GPHN: variants seen among roughly 807,000 people sequenced by gnomAD.
GPHN encodes the protein gephyrin.
GPHN carries 17 observed loss-of-function variants against 95.5 expected under a neutral mutation model. The ratio of observed to expected loss-of-function variants is 0.18; its 90% CI spans 0.12 to 0.27. The LOEUF (loss-of-function observed/expected upper bound fraction) is 0.27, where lower values mean the gene tolerates loss of function less well. GPHN is among the 10% of genes least tolerant of loss of function. The pLI is 1.00. For synonymous variants in GPHN, 320 were observed against 322.5 expected (o/e 0.99, Z 0.08); for missense variants, 660 against 978.1 (o/e 0.67, Z 4.34).
At chr14:66,930,484 T>A (rs1437641551) in intron 8 of GPHN, among the ~76,000 whole-genome samples, 1 of 151,854 alleles carries the variant, frequency 6.6e-6, no homozygotes, top group African/African-American at 2.4e-5. Flanking sequence ...TTTTATTTTT[T>A]CTATCTATAT....
the GPHN span, among the ~76,000 whole-genome samples, chr14:67,374,869 G>A: frequency 2.0e-5 from 3 of 152,176 alleles, no homozygotes; most frequent in Non-Finnish European, 4.4e-5. Flanking sequence ...CCTCCAAAGT[G>A]CTGGGATTAC....
At chr14:67,089,149 T>TTTTTTTTTTC in intron 12 of GPHN, 74 bp downstream of exon 12, 1 of 524,460 alleles carries the variant, frequency 1.9e-6, no homozygotes, top group Non-Finnish European at 3.5e-6. Context: ...TTTTTTTTTT[T>TTTTTTTTTTC]TTTTTTTTTC....
At chr14:66,548,011 C>T (rs2059663479) in intron 1 of GPHN, among the ~76,000 whole-genome samples, 1 of 151,778 alleles carries the variant, frequency 6.6e-6, no homozygotes, top group Admixed American at 6.6e-5. Context: ...AGGTTTGTGG[C>T]AACCTTTTAT....
the GPHN span, among the ~76,000 whole-genome samples, chr14:67,413,543 C>T: frequency 6.6e-6 from 1 of 152,214 alleles, no homozygotes; most frequent in Admixed American, 6.5e-5. Context: ...GGGTGCCTTT[C>T]AGAACCAGAC....
the GPHN span, among the ~76,000 whole-genome samples, chr14:67,535,017 C>T: frequency 4.5e-3 from 679 of 152,300 alleles, 18 homozygotes; most frequent in East Asian, 0.063. Flanking sequence ...CGATAGGATA[C>T]ATTAAAGCTG....
the GPHN span, chr14:67,619,892 G>A: frequency 1.1e-6 from 1 of 931,264 alleles, no homozygotes; most frequent in Non-Finnish European, 1.5e-6. Flanking sequence ...GCGCGGGTAG[G>A]TAAGAGCAGC....
chr14:67,620,124 C>G, the GPHN span: 1 of 1,461,482 alleles, frequency 6.8e-7, no homozygotes, highest in Non-Finnish European at 9.4e-7. Context: ...GGGCAGGATC[C>G]TCCGCCCCCT....
the GPHN span, chr14:67,585,526 C>T: frequency 3.0e-6 from 4 of 1,326,232 alleles, no homozygotes; most frequent in African/African-American, 5.8e-5. Flanking sequence ...TTCAAAATCT[C>T]TAACTATGGA....
chr14:67,346,458 C>T, the GPHN span, among the ~76,000 whole-genome samples: 2 of 152,272 alleles, frequency 1.3e-5, no homozygotes, highest in Middle Eastern at 3.4e-3. Flanking sequence ...ACCACAGGCG[C>T]ATGCCACCAG....
chr14:67,489,756 C>T, the GPHN span, among the ~76,000 whole-genome samples: 2 of 152,250 alleles, frequency 1.3e-5, no homozygotes, highest in South Asian at 2.1e-4. Context: ...ATTGGGAGGC[C>T]GAGGCGGGCG....
intron 3 of GPHN, among the ~76,000 whole-genome samples, chr14:66,802,865 TC>T (rs1474320611): frequency 1.3e-5 from 2 of 152,030 alleles, no homozygotes; most frequent in African/African-American, 4.8e-5. Context: ...TCTCCTCTCC[TC>T]AAGTGGATGG....
chr14:67,633,841 C>T, the GPHN span, among the ~76,000 whole-genome samples: 1 of 152,218 alleles, frequency 6.6e-6, no homozygotes, highest in Non-Finnish European at 1.5e-5. Context: ...ATTTCTTCCT[C>T]CTCTCTTATT....
At chr14:66,754,251 G>T (rs868776211) in intron 2 of GPHN, among the ~76,000 whole-genome samples, 1 of 151,888 alleles carries the variant, frequency 6.6e-6, no homozygotes, top group Non-Finnish European at 1.5e-5. Flanking sequence ...GGGTCATATG[G>T]TGACTCTGTC....
chr14:67,253,979 T>G, the GPHN span, among the ~76,000 whole-genome samples: 289 of 151,448 alleles, frequency 1.9e-3, 1 homozygote, highest in African/African-American at 6.6e-3. Flanking sequence ...TTTTTTCCAT[T>G]TTGAGTAATG....
chr14:66,740,512 T>C lies in GPHN; in HGVS notation c.144-35952T>C, dbSNP rs919166604. On this transcript the variant is annotated intron_variant, in intron 2 of 22. Coordinates refer to ENST00000478722, the MANE Select transcript of GPHN (RefSeq NM_020806.5). ...AATTTTCTTTGTAGGCTCTTTGTAT[T>C]TCCCAGTTGTTTTAAACTGAACATT... 2.0e-5 allele frequency among the ~76,000 whole-genome samples: 3 copies of C among 151,994 alleles called. No homozygotes were observed. The South Asian group carries it at 6.2e-4, about 32-fold the overall frequency.
Position 66,677,692 on chromosome 14 carries a change from G to A in GPHN, c.65-3415G>A, listed in dbSNP as rs1353131696. 3.1e-5 allele frequency among the ~76,000 whole-genome samples: 4 copies of A among 128,008 alleles called. No homozygotes were observed. The East Asian group carries it at 1.0e-3, about 33-fold the overall frequency. The allele number at this position is 128,008 out of a possible 152,430, so 84.0% of individuals were successfully genotyped here. A position where few individuals can be genotyped will look rare whatever the true frequency, so the allele number is the denominator to read the frequency against. On this transcript the variant is annotated intron_variant, in intron 1 of 22. Transcript: ENST00000478722. ...AAAATTTCTTGAGGCCAGTCTTGTG[G>A]CCTAACATGTGGTCTGTCTTGTAGA...
At chr14:67,065,424 A>G (rs545811339) in intron 11 of GPHN, among the ~76,000 whole-genome samples, 1 of 152,304 alleles carries the variant, frequency 6.6e-6, no homozygotes, top group South Asian at 2.1e-4. Context: ...TTTGGGGTGG[A>G]GAACTCTGTA....
chr14:66,563,341 A>G (rs1476553259), intron 1 of GPHN, among the ~76,000 whole-genome samples: 2 of 152,132 alleles, frequency 1.3e-5, no homozygotes, highest in Admixed American at 6.5e-5. Context: ...GGTTTACTAT[A>G]TATGTACCTG....
intron 1 of GPHN, among the ~76,000 whole-genome samples, chr14:66,510,209 G>A (rs1015087994): frequency 6.6e-6 from 1 of 152,116 alleles, no homozygotes. Context: ...ATGTCAAAGT[G>A]TATATCTTTT....
Sources: gnomAD v4.1 joint callset for allele counts (sites outside exome capture counted in the v4.1 genomes callset) on GRCh38, gnomAD v4.1.1 for gene constraint, MANE v1.5 for transcripts, NCBI Gene and HGNC (gene_info 2026-07-23, HGNC 2026-07-21) for gene names.